Variants in ULK4 observed in about 807,000 individuals in gnomAD.
The protein encoded by ULK4 is unc-51 like kinase 4.
Under a neutral mutation model 160.6 loss-of-function variants are expected in ULK4, and 133 were observed. The observed-to-expected ratio is 0.83, with a 90% CI of 0.72 to 0.96. The LOEUF (loss-of-function observed/expected upper bound fraction) is 0.96. ULK4 is among the 40% of genes least tolerant of loss of function. The pLI is 0.00. For synonymous variants in ULK4, 534 were observed against 539.8 expected, an observed-to-expected ratio of 0.99 and a Z score of 0.15; for missense variants, 1,580 against 1,499.5, an observed-to-expected ratio of 1.05 and a Z score of -0.89.
At chr3:41,706,012 C>T (rs547050466) in intron 25 of ULK4, among the ~76,000 whole-genome samples, 5 of 152,198 alleles carry the variant, frequency 3.3e-5, no homozygotes, top group East Asian at 1.9e-4. Flanking sequence ...ATAGTAGTTT[C>T]GCTCTCAAGG....
intron 32 of ULK4, among the ~76,000 whole-genome samples, chr3:41,536,578 A>G (rs2086507532): frequency 6.6e-6 from 1 of 152,224 alleles, no homozygotes; most frequent in Non-Finnish European, 1.5e-5. Context: ...TTTTGCACGT[A>G]TTATGTATTA....
chr3:41,704,438 A>C (rs558504907), intron 27 of ULK4, among the ~76,000 whole-genome samples: 13 of 152,278 alleles, frequency 8.5e-5, no homozygotes, highest in African/African-American at 3.1e-4. Flanking sequence ...CCATAAGCTA[A>C]TTGTCTTCCT....
chr3:41,465,291 A>T (rs2083801374), intron 32 of ULK4, among the ~76,000 whole-genome samples: 1 of 152,206 alleles, frequency 6.6e-6, no homozygotes, highest in Non-Finnish European at 1.5e-5. Context: ...CCTTTTCAAC[A>T]ATATCAATAT....
chr3:41,920,475 A>G (rs576097118), intron 5 of ULK4, among the ~76,000 whole-genome samples: 35 of 152,294 alleles, frequency 2.3e-4, no homozygotes, highest in Middle Eastern at 3.4e-3. Context: ...CAGAAATCCC[A>G]TATTTTAGAG....
intron 30 of ULK4, among the ~76,000 whole-genome samples, chr3:41,647,646 C>T (rs1204389636): frequency 2.6e-5 from 4 of 152,236 alleles, no homozygotes; most frequent in African/African-American, 9.6e-5. Context: ...GGTCAGGGGT[C>T]AGGGACCCAC....
chr3:41,547,884 C>T (rs1011770443), intron 32 of ULK4, among the ~76,000 whole-genome samples: 1 of 152,172 alleles, frequency 6.6e-6, no homozygotes, highest in Non-Finnish European at 1.5e-5. Context: ...GCCAGGGAGG[C>T]TGCTCTTGGG....
chr3:41,875,443 T>G (rs1020712574), intron 17 of ULK4, among the ~76,000 whole-genome samples: 1 of 152,040 alleles, frequency 6.6e-6, no homozygotes, highest in East Asian at 1.9e-4. Flanking sequence ...CTGGGCAACA[T>G]AGGGAGACTA....
intron 31 of ULK4, among the ~76,000 whole-genome samples, chr3:41,602,941 AAAAAC>A (rs1345500447): frequency 7.9e-5 from 12 of 152,138 alleles, no homozygotes. Context: ...TGCAAAAGAG[AAAAAC>A]AAAATAAAAT....
chr3:41,741,632 T>C (rs2038242025), intron 22 of ULK4, among the ~76,000 whole-genome samples: 1 of 151,996 alleles, frequency 6.6e-6, no homozygotes, highest in South Asian at 2.1e-4. Context: ...GTATTGTTAA[T>C]AGTCATAGAT....
At chr3:41,384,083 T>C (rs1461835895) in intron 35 of ULK4, among the ~76,000 whole-genome samples, 1 of 152,184 alleles carries the variant, frequency 6.6e-6, no homozygotes, top group African/African-American at 2.4e-5. Flanking sequence ...AACACACACC[T>C]GCATAGTGGA....
Position 41,300,837 on chromosome 3 carries a change from T to TATATATATATATATA in ULK4, c.3679-51264_3679-51263insTATATATATATATAT, listed in dbSNP as rs1553640531. 2.2e-4 allele frequency among the ~76,000 whole-genome samples: 13 copies of TATATATATATATATA among 57,876 alleles called. 1 individual carries two copies. Among genetic ancestry groups the TATATATATATATATA allele is most frequent in the East Asian group, 6.7e-4 (1 of 1,482 alleles). The allele number at this position is 57,876 out of a possible 152,430, so 38.0% of individuals were successfully genotyped here. ...GATTAAATTTTGATCATTTTACAGA[T>TATATATATATATATA]TATATATATATATATATATATATAT... On this transcript the variant is annotated intron_variant, in intron 35 of 36. Transcript: ENST00000301831.
intron 35 of ULK4, among the ~76,000 whole-genome samples, chr3:41,282,455 T>C (rs1236637274): frequency 6.6e-6 from 1 of 152,112 alleles, no homozygotes; most frequent in Admixed American, 6.5e-5. Flanking sequence ...AACAGAGATA[T>C]AGACCAATGG....
chr3:41,468,040 T>C (rs867417738), intron 32 of ULK4, among the ~76,000 whole-genome samples: 2 of 152,212 alleles, frequency 1.3e-5, no homozygotes, highest in East Asian at 3.8e-4. Flanking sequence ...ACTGGGTTAA[T>C]AGCAGAATTT....
At position 41,325,775 on chromosome 3, in the gene ULK4, C is replaced by T. The variant is rs142142676; in HGVS notation, c.3678+72304G>A. On this transcript the variant is annotated intron_variant, in intron 35 of 36. Transcript: ENST00000301831. ...TACTAAAAATACAAAAAATATCAGCCAGGCATGGTGGTGGGCACCTGTAAT... is the reference window on the plus strand; with the variant it reads ...TACTAAAAATACAAAAAATATCAGCTAGGCATGGTGGTGGGCACCTGTAAT... 5.7e-3 allele frequency among the ~76,000 whole-genome samples: 873 copies of T among 151,952 alleles called. 7 individuals are homozygous for T. Among genetic ancestry groups the T allele is most frequent in the African/African-American group, 0.02 (833 of 41,468 alleles).
intron 31 of ULK4, among the ~76,000 whole-genome samples, chr3:41,567,338 A>T (rs1037189786): frequency 6.6e-6 from 1 of 152,190 alleles, no homozygotes; most frequent in Non-Finnish European, 1.5e-5. Flanking sequence ...CAAAAAAGAA[A>T]AAAGCAGAGC....
intron 17 of ULK4, among the ~76,000 whole-genome samples, chr3:41,844,468 G>A (rs11928727): frequency 0.13 from 20,151 of 152,114 alleles, 4,357 homozygotes; most frequent in African/African-American, 0.45. Context: ...AGTGCAGGGC[G>A]CGCCAAGCCC....
At chr3:41,793,109 GT>G (rs1040403331) in intron 20 of ULK4, among the ~76,000 whole-genome samples, 7 of 151,714 alleles carry the variant, frequency 4.6e-5, no homozygotes, top group African/African-American at 1.7e-4. Flanking sequence ...GAAGGCGGAG[GT>G]TGCAATGAGC....
chr3:41,837,409 A>G (rs2041790598), intron 17 of ULK4, among the ~76,000 whole-genome samples: 1 of 152,136 alleles, frequency 6.6e-6, no homozygotes, highest in South Asian at 2.1e-4. Context: ...TCCTCCCCAG[A>G]AAGCCATCAA....
At chr3:41,949,878 A>G (rs918766250) in intron 2 of ULK4, among the ~76,000 whole-genome samples, 1 of 151,466 alleles carries the variant, frequency 6.6e-6, no homozygotes, top group South Asian at 2.1e-4. Context: ...CTGAGAGTAA[A>G]GCACACACCA....
Sources: gnomAD v4.1 joint callset for allele counts (sites outside exome capture counted in the v4.1 genomes callset) on GRCh38, gnomAD v4.1.1 for gene constraint, MANE v1.5 for transcripts, NCBI Gene and HGNC (gene_info 2026-07-23, HGNC 2026-07-21) for gene names.